The following SLU7 variants were observed in gnomAD, a reference collection of about 807,000 sequenced individuals.
SLU7 encodes spliceosome associated SLU7.
In SLU7, 60 loss-of-function variants were observed where a neutral mutation model predicts 87.0. That is an observed-to-expected ratio of 0.69 (90% CI 0.56 to 0.86). The LOEUF (loss-of-function observed/expected upper bound fraction) is 0.86. SLU7 is among the 40% of genes least tolerant of loss of function. The pLI, the probability that SLU7 is intolerant of heterozygous loss-of-function variation, is 0.00. For synonymous variants in SLU7, 197 were observed against 222.0 expected, an observed-to-expected ratio of 0.89 and a Z score of 1.00; for missense variants, 507 against 686.6, an observed-to-expected ratio of 0.74 and a Z score of 2.92.
At chr5:160,410,731 A>G (rs1197856118) in intron 6 of SLU7, among the ~76,000 whole-genome samples, 2 of 152,242 alleles carry the variant, frequency 1.3e-5, no homozygotes, top group Non-Finnish European at 2.9e-5. Context: ...AAAGTTAGTA[A>G]TAAATAAAAA....
rs1764854200 is a variant in SLU7, at chr5:160,403,107, CTTCTT to C, written c.*173_*177del. 2 of 408,426 alleles carry C rather than the reference CTTCTT, an allele frequency of 4.9e-6. No homozygotes were observed. The highest frequency in any genetic ancestry group is 2.1e-5 in the African/African-American group (1 of 48,712). 25.3% of individuals were successfully genotyped at this position (408,426 alleles called of 1,614,324 possible). A position where few individuals can be genotyped will look rare whatever the true frequency, so the allele number is the denominator to read the frequency against. On this transcript the variant is annotated 3_prime_UTR_variant, in exon 16 of 16. Transcript: ENST00000297151. ...CAAAAGCACACTTCATGTGCCTCTT[CTTCTT>C]TTCTTGTTTCCTCAGTATGGAAAGG...
intron 6 of SLU7, among the ~76,000 whole-genome samples, chr5:160,410,340 C>T (rs1765179625): frequency 6.6e-6 from 1 of 151,978 alleles, no homozygotes; most frequent in African/African-American, 2.4e-5. Context: ...TTTGCTAGTT[C>T]ACCAAAGACA....
chr5:160,405,958 A>T (rs1764993080), intron 12 of SLU7, among the ~76,000 whole-genome samples: 2 of 152,162 alleles, frequency 1.3e-5, no homozygotes, highest in African/African-American at 4.8e-5. Flanking sequence ...TGTTAAAGGC[A>T]TTTTTCTGTA....
chr5:160,412,289 T>C (rs991835203), intron 6 of SLU7, among the ~76,000 whole-genome samples, 162 bp downstream of exon 6: 4 of 152,156 alleles, frequency 2.6e-5, no homozygotes, highest in African/African-American at 9.7e-5. Context: ...ACTGCATCAA[T>C]TTATATTACT....
Position 160,407,699 on chromosome 5 carries a change from G to A in SLU7, c.985+47C>T, listed in dbSNP as rs115091431. 1,576 of 1,600,162 alleles carry A rather than the reference G, an allele frequency of 9.8e-4. 7 individuals are homozygous for A. In the African/African-American group the frequency reaches 0.013, roughly 14 times the overall value. On this transcript the variant is annotated intron_variant, in intron 10 of 15. Coordinates refer to ENST00000297151, the MANE Select transcript of SLU7 (RefSeq NM_006425.5). The surrounding 1 kb of genome is among the most constrained non-coding windows in gnomAD (Gnocchi z 4.2). Reference sequence around the variant, plus strand: ...AAACAAGCTTTAAACAATCCCAAACGTCTTATGAGCTGATATAAAATGGCT... The same window carrying A: ...AAACAAGCTTTAAACAATCCCAAACATCTTATGAGCTGATATAAAATGGCT...
At position 160,415,221 on chromosome 5, in the gene SLU7, G is replaced by C; in HGVS notation, c.74C>G (p.Pro25Arg). 1 of 1,610,842 alleles carries C rather than the reference G, an allele frequency of 6.2e-7. No homozygotes were observed. The highest frequency in any genetic ancestry group is 8.5e-7 in the Non-Finnish European group (1 of 1,178,658). ...CCAGTCCTCTCTGGTCATCTTCTTT[G>C]GTTCTTCCAAACTCATTTCTTTGGA... ...SGSKEMSLEE[P>R]KKMTREDWRK... The change falls in exon 2 of 16, where the codon CCA (proline) becomes CGA (arginine). Residue 25 changes from proline to arginine, a missense_variant. Pro to Arg is a moderately radical substitution (Grantham distance 103). Transcript: ENST00000297151.
At chr5:160,418,830 C>T (rs1300166162) in intron 1 of SLU7, 193 bp downstream of exon 1, 1 of 152,320 alleles carries the variant, frequency 6.6e-6, no homozygotes, top group African/African-American at 2.4e-5. Flanking sequence ...AAGACGCAGG[C>T]CTGGCCTGGC....
intron 6 of SLU7, among the ~76,000 whole-genome samples, chr5:160,411,497 G>A (rs1243661254): frequency 1.3e-5 from 2 of 152,176 alleles, no homozygotes; most frequent in Non-Finnish European, 2.9e-5. Context: ...GGGATTACAG[G>A]TGTGAGCCAT....
intron 11 of SLU7, among the ~76,000 whole-genome samples, chr5:160,406,884 T>G (rs1183960462): frequency 6.6e-6 from 1 of 152,230 alleles, no homozygotes; most frequent in Non-Finnish European, 1.5e-5. Context: ...TACATGCCCT[T>G]TTGCCACAGG....
rs941230082 is a variant in SLU7 at position 160,406,350 on chromosome 5, T to G, written c.1287+118A>C. ...AAAAATTCCATGAAACAGTTAAAAT[T>G]TTTTTTTTTTTTTAAAGCATAGAGA... is the stretch of plus-strand genomic sequence containing the variant. On this transcript the variant is annotated intron_variant, in intron 12 of 15. Coordinates refer to ENST00000297151, the MANE Select transcript of SLU7 (RefSeq NM_006425.5). The G allele has an allele frequency of 4.1e-6, 3 of 735,208 alleles. No individual in the cohort carries two copies. In the African/African-American group the frequency reaches 6.8e-5, roughly 17 times the overall value. 45.5% of individuals were successfully genotyped at this position (735,208 alleles called of 1,614,324 possible). A position where few individuals can be genotyped will look rare whatever the true frequency, so the allele number is the denominator to read the frequency against.
In SLU7 at chr5:160,406,539, C is replaced by T. The variant is rs1554081919; in HGVS notation, c.1216G>A (p.Val406Ile). The change falls in exon 12 of 16, where the codon GTC becomes ATC. Residue 406 changes from valine (V) to isoleucine (I), a missense_variant. By Grantham distance (29) the Val-to-Ile change is conservative. This residue lies in a region of SLU7 where 43 missense variants were observed against 58.4 expected (regional missense o/e 0.74). Transcript: ENST00000297151. ...DYVEYSRHGTVIKGQERAVAC... is the reference protein window; with the variant it reads ...DYVEYSRHGTIIKGQERAVAC... ...ACAGCCCGCTCCTGTCCTTTGATGA[C>T]TGTCCCATGTCTTGAGTACTCCACA... 2 of 1,613,890 alleles carry T rather than the reference C, an allele frequency of 1.2e-6. No homozygotes were observed. Among genetic ancestry groups the T allele is most frequent in the Admixed American group, 3.3e-5 (2 of 59,982 alleles).
rs1231289712 is a variant in SLU7 at position 160,407,868 on chromosome 5, C to T, written c.918-55G>A. On this transcript the variant is annotated intron_variant, in intron 9 of 15. Coordinates refer to ENST00000297151, the MANE Select transcript of SLU7 (RefSeq NM_006425.5). This position sits in a 1 kb window ranked among gnomAD's most constrained non-coding sequence, Gnocchi z 4.2. ...GAGATTGATTTAAGGAAAATTAATT[C>T]GTAAAACTGAATCTGAATTAAAATG... 5.0e-5 allele frequency: 75 copies of T among 1,506,126 alleles called. No homozygotes were observed. The highest frequency in any genetic ancestry group is 1.7e-4 in the Middle Eastern group (1 of 5,848). 93.3% of individuals were successfully genotyped at this position (1,506,126 alleles called of 1,614,324 possible).
chr5:160,411,088 G>A (rs1444680285), intron 6 of SLU7, among the ~76,000 whole-genome samples: 2 of 152,072 alleles, frequency 1.3e-5, no homozygotes, highest in Admixed American at 6.5e-5. Flanking sequence ...GGATGGTCTC[G>A]ATCTCCTGAC....
chr5:160,416,511 T>A (rs1217495456), intron 1 of SLU7, among the ~76,000 whole-genome samples: 4 of 152,242 alleles, frequency 2.6e-5, no homozygotes, highest in Non-Finnish European at 5.9e-5. Context: ...CAATACGTCT[T>A]AATTCAATCT....
intron 1 of SLU7, among the ~76,000 whole-genome samples, chr5:160,416,066 G>C (rs561906140): frequency 1.3e-5 from 2 of 151,938 alleles, no homozygotes; most frequent in Non-Finnish European, 2.9e-5. Context: ...TAATTTTTTC[G>C]TATTTTTTGT....
chr5:160,408,872 TA>T (rs1765121816), intron 6 of SLU7, among the ~76,000 whole-genome samples, 175 bp from the exon 7 acceptor site: 1 of 142,380 alleles, frequency 7.0e-6, no homozygotes, highest in Admixed American at 7.3e-5. Flanking sequence ...TATTATATAA[TA>T]TATAATATGT....
chr5:160,413,584 T>G lies in SLU7; in HGVS notation c.442A>C (p.Asn148His). 1 of 1,613,300 alleles carries G rather than the reference T, an allele frequency of 6.2e-7. No homozygotes were observed. Among genetic ancestry groups the G allele is most frequent in the Non-Finnish European group, 8.5e-7 (1 of 1,179,756 alleles). ...TGGACATGTTCATCTGGAGCTATAT[T>G]AGTACCTGTAAATTTGGCTCCAACT... ...RRVGAKFTGT[N>H]IAPDEHVQPQ... Residue 148 changes from asparagine to histidine, a missense_variant, in exon 5 of 16, where the codon AAT becomes CAT. By Grantham distance (68) the Asn-to-His change is moderately conservative. This residue lies in a region of SLU7 where 155 missense variants were observed against 154.4 expected (regional missense o/e 1.00). Transcript: ENST00000297151.
At chr5:160,406,754 C>A in intron 11 of SLU7, 125 bp from the exon 12 acceptor site, 3 of 797,074 alleles carry the variant, frequency 3.8e-6, no homozygotes, top group African/African-American at 1.8e-5. Flanking sequence ...TTATAGAAAG[C>A]ACAGTAGGAA....
At chr5:160,416,003 C>T (rs1253844050) in intron 1 of SLU7, among the ~76,000 whole-genome samples, 1 of 152,112 alleles carries the variant, frequency 6.6e-6, no homozygotes, top group Non-Finnish European at 1.5e-5. Flanking sequence ...AGCGATTCTC[C>T]TGCCTCAGTC....
Sources: gnomAD v4.1 joint callset for allele counts (sites outside exome capture counted in the v4.1 genomes callset) on GRCh38, gnomAD v4.1.1 for gene constraint, gnomAD v4.1.1 regional missense constraint, Gnocchi (gnomAD v3.1) non-coding constraint, MANE v1.5 for transcripts, NCBI Gene and HGNC (gene_info 2026-07-23, HGNC 2026-07-21) for gene names.